The following NEK10 variants were observed in gnomAD, a reference collection of about 807,000 sequenced individuals.
The protein encoded by NEK10 is serine/threonine-protein kinase Nek10.
Under a neutral mutation model 159.8 loss-of-function variants are expected in NEK10, and 122 were observed. The observed-to-expected ratio is 0.76, with a 90% CI of 0.66 to 0.89. The LOEUF (loss-of-function observed/expected upper bound fraction) is 0.89, where lower values mean the gene tolerates loss of function less well. Ranked by LOEUF, NEK10 falls within the 40% of genes least tolerant of loss-of-function variation. The pLI, the probability that NEK10 is intolerant of heterozygous loss-of-function variation, is 0.00. For synonymous variants in NEK10, 466 were observed against 457.1 expected, an observed-to-expected ratio of 1.02 and a Z score of -0.25; for missense variants, 1,342 against 1,323.1, an observed-to-expected ratio of 1.01 and a Z score of -0.22.
At chr3:27,291,018 G>A (rs2042958841) in intron 18 of NEK10, among the ~76,000 whole-genome samples, 1 of 152,192 alleles carries the variant, frequency 6.6e-6, no homozygotes, top group African/African-American at 2.4e-5. Flanking sequence ...AAACTATTTT[G>A]AATACCTTTG....
chr3:27,317,174 G>A (rs2045266475), intron 6 of NEK10, among the ~76,000 whole-genome samples: 2 of 152,164 alleles, frequency 1.3e-5, no homozygotes, highest in South Asian at 4.1e-4. Context: ...AGCAAGGCCA[G>A]GAGATTGCTC....
chr3:27,165,916 A>G (rs934399182), intron 29 of NEK10, among the ~76,000 whole-genome samples: 3 of 152,274 alleles, frequency 2.0e-5, no homozygotes, highest in East Asian at 1.9e-4. Context: ...ATCATCTCTC[A>G]TAAGAATTCC....
chr3:27,166,193 A>G (rs1946458804), intron 29 of NEK10, among the ~76,000 whole-genome samples: 1 of 152,218 alleles, frequency 6.6e-6, no homozygotes, highest in African/African-American at 2.4e-5. Context: ...AATAAGCAAC[A>G]TTATGTAGCT....
chr3:27,342,362 G>C (rs2047258647), intron 5 of NEK10, among the ~76,000 whole-genome samples: 1 of 152,158 alleles, frequency 6.6e-6, no homozygotes, highest in South Asian at 2.1e-4. Context: ...AAGGTTACAT[G>C]GGGTGAGGCA....
intron 30 of NEK10, among the ~76,000 whole-genome samples, chr3:27,146,372 A>G (rs1944298769): frequency 6.6e-6 from 1 of 152,230 alleles, no homozygotes; most frequent in Non-Finnish European, 1.5e-5. Flanking sequence ...TATGGTATCA[A>G]TGCATTATTT....
At chr3:27,158,785 C>T (rs1945743157) in intron 30 of NEK10, among the ~76,000 whole-genome samples, 1 of 152,086 alleles carries the variant, frequency 6.6e-6, no homozygotes, top group African/African-American at 2.4e-5. Flanking sequence ...GACTTACACA[C>T]CCAAAAATTT....
intron 22 of NEK10, among the ~76,000 whole-genome samples, chr3:27,280,912 G>GGT (rs148929788): frequency 0.2 from 27,181 of 137,556 alleles, 2,507 homozygotes; most frequent in Non-Finnish European, 0.24. Flanking sequence ...ATGTACATAT[G>GGT]GTGTGTGTGT....
intron 6 of NEK10, among the ~76,000 whole-genome samples, chr3:27,317,345 A>G (rs1433839626): frequency 6.6e-6 from 1 of 152,198 alleles, no homozygotes; most frequent in Non-Finnish European, 1.5e-5. Flanking sequence ...GCAAGCTTAG[A>G]TTACAGCAAT....
At chr3:27,200,181 T>C (rs1275287382) in intron 25 of NEK10, among the ~76,000 whole-genome samples, 1 of 152,102 alleles carries the variant, frequency 6.6e-6, no homozygotes, top group African/African-American at 2.4e-5. Flanking sequence ...AAGGTTTAGA[T>C]ATCATCCTAC....
chr3:27,175,258 G>A (rs556520975), intron 26 of NEK10, among the ~76,000 whole-genome samples: 5 of 152,130 alleles, frequency 3.3e-5, no homozygotes, highest in Non-Finnish European at 7.4e-5. Context: ...ATTAGTAGCA[G>A]ACAAAGCCAG....
chr3:27,148,164 G>C (rs1944490026), intron 30 of NEK10, among the ~76,000 whole-genome samples: 1 of 152,196 alleles, frequency 6.6e-6, no homozygotes, highest in Non-Finnish European at 1.5e-5. Flanking sequence ...ATCCCAGAGA[G>C]AAGAAAGAGG....
Position 27,215,693 on chromosome 3 carries a change from C to T in NEK10, c.2091-13136G>A, listed in dbSNP as rs1166355654. 6 of 661,586 alleles carry T rather than the reference C, an allele frequency of 9.1e-6. No homozygotes were observed. The Admixed American group carries it at 1.3e-4, about 14-fold the overall frequency. 41.0% of individuals were successfully genotyped at this position (661,586 alleles called of 1,614,324 possible). A position where few individuals can be genotyped will look rare whatever the true frequency, so the allele number is the denominator to read the frequency against. On this transcript the variant is annotated intron_variant, in intron 23 of 35. Transcript: ENST00000691995. ...CACTACTACAAAGAAATACCTGAGA[C>T]TAGGTAATTTAGAAAGAAGAGAGGT...
intron 29 of NEK10, among the ~76,000 whole-genome samples, chr3:27,163,407 A>C (rs1010776007): frequency 6.6e-6 from 1 of 151,650 alleles, no homozygotes; most frequent in African/African-American, 2.4e-5. Flanking sequence ...GCTGGAGTGC[A>C]GTGACGCGAT....
chr3:27,250,408 G>A (rs192701344), intron 23 of NEK10, among the ~76,000 whole-genome samples: 277 of 152,140 alleles, frequency 1.8e-3, no homozygotes, highest in Middle Eastern at 0.014. Flanking sequence ...GGATGGTCTC[G>A]ATCTCCTGAC....
intron 26 of NEK10, among the ~76,000 whole-genome samples, chr3:27,182,614 A>G (rs1442465456): frequency 6.6e-6 from 1 of 152,166 alleles, no homozygotes. Flanking sequence ...ACAAGAAAAG[A>G]AATAAGTATG....
chr3:27,341,958 C>T (rs545075157), intron 5 of NEK10, among the ~76,000 whole-genome samples: 3 of 152,042 alleles, frequency 2.0e-5, no homozygotes, highest in East Asian at 3.9e-4. Flanking sequence ...GACCCAAATT[C>T]CCACCCACCC....
rs769811328 is a variant in NEK10, at chr3:27,291,296, T to C, written c.1571A>G (p.His524Arg). 6.2e-7 allele frequency: 1 copy of C among 1,613,802 alleles called. No homozygotes were observed. ...KYIGNYAILD[H>R]LGSGAFGCVY... The stretch of plus-strand genomic sequence containing the variant: ...ACAGCCAAAAGCTCCACTTCCAAGA[T>C]GATCCAAAATTGCATAGTTGCCTAT... Residue 524 changes from histidine to arginine, a missense_variant, in exon 18 of 36, where the codon CAT becomes CGT. His to Arg is a conservative substitution (Grantham distance 29). Transcript: ENST00000691995.
chr3:27,333,110 A>G (rs2149718216), intron 5 of NEK10, among the ~76,000 whole-genome samples: 1 of 152,306 alleles, frequency 6.6e-6, no homozygotes, highest in South Asian at 2.1e-4. Context: ...AAAGTAAAGA[A>G]GGAGAAGGAA....
Position 27,129,037 on chromosome 3 carries a change from G to A in NEK10, c.3081+2843C>T, listed in dbSNP as rs114817667. Among the ~76,000 whole-genome samples the A allele has an allele frequency of 4.1e-3, 630 of 152,142 alleles. 3 individuals carry two copies. The highest frequency in any genetic ancestry group is 0.014 in the African/African-American group (598 of 41,498). On this transcript the variant is annotated intron_variant, in intron 32 of 35. Coordinates refer to ENST00000691995, the MANE Select transcript of NEK10 (RefSeq NM_001394966.1). ...CACTGATACTTCCAATTCCAATTTA[G>A]ATGAATCTCTGCTATCTTGCTTCTG...
Sources: allele counts gnomAD v4.1 joint callset (sites outside exome capture counted in the v4.1 genomes callset), GRCh38; gene constraint gnomAD v4.1.1; transcripts MANE v1.5; gene names NCBI Gene and HGNC (gene_info 2026-07-23, HGNC 2026-07-21).